Variants in LSAMP observed in about 807,000 individuals in gnomAD.
The protein encoded by LSAMP is limbic system associated membrane protein.
LSAMP carries 7 observed loss-of-function variants against 38.6 expected under a neutral mutation model. The ratio of observed to expected loss-of-function variants is 0.18; its 90% CI spans 0.10 to 0.34. The LOEUF (loss-of-function observed/expected upper bound fraction) is 0.34. Among genes scored for constraint, LSAMP ranks in the 10% least tolerant of loss-of-function variants. The pLI, the probability that LSAMP is intolerant of heterozygous loss-of-function variation, is 1.00. For synonymous variants in LSAMP, 154 were observed against 166.8 expected (o/e 0.92, Z 0.59); for missense variants, 313 against 420.0 (o/e 0.75, Z 2.23).
chr3:116,169,053 CAATT>C (rs1710131098), intron 1 of LSAMP, among the ~76,000 whole-genome samples: 1 of 152,038 alleles, frequency 6.6e-6, no homozygotes, highest in Non-Finnish European at 1.5e-5. Context: ...ATTTAAAAAA[CAATT>C]AACTGCATGT....
intron 1 of LSAMP, among the ~76,000 whole-genome samples, chr3:116,310,283 G>A (rs1030390685): frequency 5.9e-5 from 9 of 152,118 alleles, no homozygotes; most frequent in Non-Finnish European, 1.0e-4. Context: ...AAGGACAAGA[G>A]AAGTCACACA....
At chr3:116,225,931 G>C (rs769976874) in intron 1 of LSAMP, among the ~76,000 whole-genome samples, 11 of 152,014 alleles carry the variant, frequency 7.2e-5, no homozygotes, top group Non-Finnish European at 1.3e-4. Context: ...AAACCTCATA[G>C]TTTTCACCTC....
intron 3 of LSAMP, among the ~76,000 whole-genome samples, chr3:115,939,109 C>A (rs939609960): frequency 3.9e-5 from 6 of 152,040 alleles, no homozygotes; most frequent in African/African-American, 1.2e-4. Context: ...TGACTTGTTA[C>A]CTGTCACAAG....
At chr3:115,949,368 T>A (rs1313125356) in intron 3 of LSAMP, among the ~76,000 whole-genome samples, 1 of 152,058 alleles carries the variant, frequency 6.6e-6, no homozygotes, top group Admixed American at 6.6e-5. Context: ...GTCTATCAAT[T>A]TTGTTTATCT....
intron 1 of LSAMP, among the ~76,000 whole-genome samples, chr3:116,259,281 C>A (rs1993732): frequency 0.19 from 28,800 of 152,056 alleles, 2,925 homozygotes; most frequent in Admixed American, 0.23. Context: ...CCTTTTTTAG[C>A]TTATTTATGA....
chr3:116,396,750 T>G (rs1404795823), intron 1 of LSAMP, among the ~76,000 whole-genome samples: 1 of 152,216 alleles, frequency 6.6e-6, no homozygotes, highest in Non-Finnish European at 1.5e-5. Flanking sequence ...AATAGACATA[T>G]CAAACTTCTG....
At chr3:116,173,461 C>T (rs1272841377) in intron 1 of LSAMP, among the ~76,000 whole-genome samples, 2 of 151,958 alleles carry the variant, frequency 1.3e-5, no homozygotes, top group South Asian at 2.1e-4. Context: ...ATTTATAATC[C>T]AGTGGCAAAT....
At chr3:115,958,684 A>G (rs1221137386) in intron 3 of LSAMP, among the ~76,000 whole-genome samples, 1 of 152,198 alleles carries the variant, frequency 6.6e-6, no homozygotes, top group Non-Finnish European at 1.5e-5. Context: ...ATATAGACTG[A>G]AACACAGATT....
chr3:116,333,344 G>C (rs1208418605), intron 1 of LSAMP, among the ~76,000 whole-genome samples: 1 of 151,912 alleles, frequency 6.6e-6, no homozygotes. Context: ...TTCAAGACCA[G>C]CTGGGCCAAA....
chr3:116,090,060 A>G (rs960631943), intron 1 of LSAMP, among the ~76,000 whole-genome samples: 3 of 151,694 alleles, frequency 2.0e-5, no homozygotes, highest in Non-Finnish European at 4.4e-5. Flanking sequence ...ATGAAAAAAA[A>G]TGGTAGGACC....
chr3:116,227,361 A>G (rs1249590823), intron 1 of LSAMP, among the ~76,000 whole-genome samples: 1 of 152,194 alleles, frequency 6.6e-6, no homozygotes, highest in Non-Finnish European at 1.5e-5. Flanking sequence ...ATATATTTAT[A>G]TAGTATTTGT....
At chr3:116,136,049 T>C (rs576106085) in intron 1 of LSAMP, among the ~76,000 whole-genome samples, 2 of 152,294 alleles carry the variant, frequency 1.3e-5, no homozygotes, top group South Asian at 4.1e-4. Flanking sequence ...GAAAAGTTTG[T>C]CATTGAATTT....
At chr3:115,903,845 T>C (rs931000539) in intron 3 of LSAMP, among the ~76,000 whole-genome samples, 2 of 152,180 alleles carry the variant, frequency 1.3e-5, no homozygotes, top group Non-Finnish European at 2.9e-5. Flanking sequence ...TAAACTCTTA[T>C]TTAAATGGTA....
At chr3:116,198,083 A>C (rs1276928876) in intron 1 of LSAMP, among the ~76,000 whole-genome samples, 1 of 152,188 alleles carries the variant, frequency 6.6e-6, no homozygotes, top group Non-Finnish European at 1.5e-5. Context: ...AGTTGGAATA[A>C]AAAAATGAGG....
intron 2 of LSAMP, among the ~76,000 whole-genome samples, chr3:116,021,258 C>T (rs183112356): frequency 6.6e-6 from 1 of 152,224 alleles, no homozygotes; most frequent in East Asian, 1.9e-4. Context: ...CACACACTGT[C>T]TTGCAATATG....
At chr3:115,976,291 A>G (rs1939186652) in intron 3 of LSAMP, among the ~76,000 whole-genome samples, 1 of 152,222 alleles carries the variant, frequency 6.6e-6, no homozygotes, top group African/African-American at 2.4e-5. Flanking sequence ...AATCCTTTGA[A>G]TTCAAAATAA....
At chr3:116,299,471 A>G (rs564227866) in intron 1 of LSAMP, among the ~76,000 whole-genome samples, 11 of 152,388 alleles carry the variant, frequency 7.2e-5, no homozygotes, top group African/African-American at 2.6e-4. Context: ...CTATGCCTTC[A>G]GAAATACTTT....
At chr3:116,080,359 C>T (rs1476646561) in intron 2 of LSAMP, among the ~76,000 whole-genome samples, 1 of 152,128 alleles carries the variant, frequency 6.6e-6, no homozygotes, top group Non-Finnish European at 1.5e-5. Context: ...TTTCTCTTTT[C>T]CCTTATTTTC....
chr3:116,278,905 G>A (rs574206481), intron 1 of LSAMP, among the ~76,000 whole-genome samples: 3 of 152,266 alleles, frequency 2.0e-5, no homozygotes, highest in Admixed American at 6.5e-5. Flanking sequence ...TTAGCCTAAA[G>A]TCACCTGCTC....
Sources: allele counts gnomAD v4.1 joint callset (sites outside exome capture counted in the v4.1 genomes callset), GRCh38; gene constraint gnomAD v4.1.1; transcripts MANE v1.5; gene names NCBI Gene and HGNC (gene_info 2026-07-23, HGNC 2026-07-21).